ADGRL1: variants seen among roughly 807,000 people sequenced by gnomAD.
The protein encoded by ADGRL1 is adhesion G protein-coupled receptor L1.
Under a neutral mutation model 148.9 loss-of-function variants are expected in ADGRL1, and 31 were observed. The observed-to-expected ratio is 0.21, with a 90% CI of 0.16 to 0.28. The LOEUF is 0.28. Ranked by LOEUF, ADGRL1 falls within the 10% of genes least tolerant of loss-of-function variation. The pLI is 1.00. For missense variants in ADGRL1, 1,521 were observed against 2,058.8 expected, an observed-to-expected ratio of 0.74 and a Z score of 5.05; for synonymous variants, 937 against 900.3, an observed-to-expected ratio of 1.04 and a Z score of -0.73.
chr19:14,188,815 C>T (rs183194100), intron 1 of ADGRL1, among the ~76,000 whole-genome samples: 179 of 152,282 alleles, frequency 1.2e-3, no homozygotes, highest in Middle Eastern at 6.8e-3. Context: ...ACTTTGTCAC[C>T]GGGGCTGGAG....
chr19:14,177,012 C>T (rs1970868860), intron 3 of ADGRL1, among the ~76,000 whole-genome samples: 1 of 151,718 alleles, frequency 6.6e-6, no homozygotes, highest in African/African-American at 2.4e-5. Context: ...GGCAGATCAC[C>T]TGAGGTCAGG....
Position 14,157,034 on chromosome 19 carries a change from T to C in ADGRL1, c.2857A>G (p.Ser953Gly). 6.2e-7 allele frequency: 1 copy of C among 1,613,794 alleles called. No homozygotes were observed. Among genetic ancestry groups the C allele is most frequent in the Non-Finnish European group, 8.5e-7 (1 of 1,179,926 alleles). ...LYLLLVEVFESEYSRTKYYYL... is the reference protein window; with the variant it reads ...LYLLLVEVFEGEYSRTKYYYL... ...TAGTACTTGGTGCGGGAATACTCGC[T>C]CTCAAACACCTCCACTAGTAGCAGG... Residue 953 changes from serine to glycine, a missense_variant, in exon 15 of 23, where the codon AGC (serine) becomes GGC (glycine). Around this residue, in one of 8 missense-constraint regions of ADGRL1, gnomAD observed 185 missense variants for 251.7 expected, o/e 0.74. Coordinates refer to ENST00000361434, the MANE Select transcript of ADGRL1 (RefSeq NM_014921.5). The surrounding 1 kb of genome is among the most constrained non-coding windows in gnomAD (Gnocchi z 7.5).
chr19:14,174,014 C>T (rs935481637), intron 3 of ADGRL1, among the ~76,000 whole-genome samples: 5 of 150,062 alleles, frequency 3.3e-5, no homozygotes, highest in East Asian at 2.0e-4. Flanking sequence ...GGGGACTCAG[C>T]GGAGAGGAAG....
Position 14,159,455 on chromosome 19 carries a change from G to A in ADGRL1, c.1969C>T (p.Leu657=). 1 of 1,613,288 alleles carries A rather than the reference G, an allele frequency of 6.2e-7. No individual in the cohort carries two copies. Among genetic ancestry groups the A allele is most frequent in the Non-Finnish European group, 8.5e-7 (1 of 1,179,714 alleles). The part of the protein sequence containing the change: ...LDVLEEGAFL[L]ADNVREPARF... ...GCAGGCTCCCTGACATTGTCGGCCA[G>A]CAGGAAGGCGCCCTCCTCCAGGACG... The change falls in exon 10 of 23, where the codon CTG becomes TTG. Residue 657 remains leucine, a synonymous_variant. Transcript: ENST00000361434. This position sits in a 1 kb window ranked among gnomAD's most constrained non-coding sequence, Gnocchi z 6.0.
At chr19:14,182,119 G>A (rs926331244) in intron 2 of ADGRL1, among the ~76,000 whole-genome samples, 4 of 152,202 alleles carry the variant, frequency 2.6e-5, no homozygotes, top group African/African-American at 7.2e-5. Context: ...GTCACTGACC[G>A]CCTCTGTGCC....
In ADGRL1 at chr19:14,159,370, T is replaced by A. The variant is rs376875538; in HGVS notation, c.2023+31A>T. The A allele has an allele frequency of 4.4e-6, 7 of 1,586,268 alleles. No homozygotes were observed. In the South Asian group the frequency reaches 6.8e-5, roughly 15 times the overall value. On this transcript the variant is annotated intron_variant, in intron 10 of 22. Coordinates refer to ENST00000361434, the MANE Select transcript of ADGRL1 (RefSeq NM_014921.5). The surrounding 1 kb of genome is among the most constrained non-coding windows in gnomAD (Gnocchi z 6.0). ...AACCCCGTGGTTTAAGGTTCGTATC[T>A]GAGTTTGCCCTGGGTGACTGTGGCA...
In ADGRL1 at chr19:14,148,334, C is replaced by T. The variant is rs760142393; in HGVS notation, c.*2539G>A. 2.0e-5 allele frequency: 3 copies of T among 152,388 alleles called. No homozygotes were observed. Among genetic ancestry groups the T allele is most frequent in the Non-Finnish European group, 4.4e-5 (3 of 68,150 alleles). 9.4% of individuals were successfully genotyped at this position (152,388 alleles called of 1,614,324 possible). A position where few individuals can be genotyped will look rare whatever the true frequency, so the allele number is the denominator to read the frequency against. On this transcript the variant is annotated 3_prime_UTR_variant, in exon 23 of 23. Coordinates refer to ENST00000361434, the MANE Select transcript of ADGRL1 (RefSeq NM_014921.5). ...CGGCGATGCCGGCTGGAACAGGACCCGATACACCCTCTCTCCCTTTGATTG... is the reference window on the plus strand; with the variant it reads ...CGGCGATGCCGGCTGGAACAGGACCTGATACACCCTCTCTCCCTTTGATTG...
chr19:14,177,292 G>C (rs112585629), intron 3 of ADGRL1, among the ~76,000 whole-genome samples: 3,234 of 152,268 alleles, frequency 0.021, 46 homozygotes, highest in South Asian at 0.04. Context: ...AGAGGCTGGT[G>C]GGGGGAGGGA....
intron 2 of ADGRL1, among the ~76,000 whole-genome samples, chr19:14,182,665 G>A (rs1296577743): frequency 1.3e-5 from 2 of 152,224 alleles, no homozygotes; most frequent in Admixed American, 6.5e-5. Flanking sequence ...AGGGCCGGGG[G>A]TGGAAGGCTG....
Position 14,155,165 on chromosome 19 carries a change from C to T in ADGRL1, c.3294+194G>A, listed in dbSNP as rs559502190. The T allele has an allele frequency of 1.0e-4, 53 of 521,086 alleles. No homozygotes were observed. The highest frequency in any genetic ancestry group is 7.0e-4 in the South Asian group (29 of 41,626). 32.3% of individuals were successfully genotyped at this position (521,086 alleles called of 1,614,324 possible). On this transcript the variant is annotated intron_variant, in intron 18 of 22. Transcript: ENST00000361434. The surrounding 1 kb of genome is among the most constrained non-coding windows in gnomAD (Gnocchi z 5.0). ...CTTGTTTTCCAGAACCCTCTTCACC[C>T]GTGGTTAAACCCTCCCTAACCCTGA...
At chr19:14,189,743 T>C (rs553142828) in intron 1 of ADGRL1, among the ~76,000 whole-genome samples, 74 of 152,330 alleles carry the variant, frequency 4.9e-4, no homozygotes, top group African/African-American at 1.6e-3. Flanking sequence ...TGAGGCATCA[T>C]TGACAAATAG....
rs749881139 is a variant in ADGRL1, at chr19:14,161,434, G to A, written c.1388C>T (p.Pro463Leu). 2.0e-6 allele frequency: 3 copies of A among 1,483,194 alleles called. No individual in the cohort carries two copies. Among genetic ancestry groups the A allele is most frequent in the Non-Finnish European group, 2.7e-6 (3 of 1,118,104 alleles). The allele number at this position is 1,483,194 out of a possible 1,614,324, so 91.9% of individuals were successfully genotyped here. A position where few individuals can be genotyped will look rare whatever the true frequency, so the allele number is the denominator to read the frequency against. Residue 463 changes from proline (P) to leucine (L), a missense_variant, in exon 6 of 23, where the codon CCA becomes CTA. By Grantham distance (98) the Pro-to-Leu change is moderately conservative (BLOSUM62 -3). Transcript: ENST00000361434. This position sits in a 1 kb window ranked among gnomAD's most constrained non-coding sequence, Gnocchi z 4.4. ...TAPVPSTRRP[P>L]APNLHVSPEL... Reference sequence around the variant, plus strand: ...AGGGGACACGTGTAGATTCGGGGCTGGGGGCCGCCGGGTGCTGGGGACTGG... The same window carrying A: ...AGGGGACACGTGTAGATTCGGGGCTAGGGGCCGCCGGGTGCTGGGGACTGG...
In ADGRL1 at chr19:14,155,569, G is replaced by A; in HGVS notation, c.3126-42C>T. 1 of 1,606,094 alleles carries A rather than the reference G, an allele frequency of 6.2e-7. No individual in the cohort carries two copies. Among genetic ancestry groups the A allele is most frequent in the African/African-American group, 1.3e-5 (1 of 74,882 alleles). On this transcript the variant is annotated intron_variant, in intron 17 of 22. Coordinates refer to ENST00000361434, the MANE Select transcript of ADGRL1 (RefSeq NM_014921.5). The surrounding 1 kb of genome is among the most constrained non-coding windows in gnomAD (Gnocchi z 5.0). ...AGGGGAGTCAAAGTACCCGCCGGAG[G>A]GGACGGCCTCAGCCCAGGCCTCCCC...
chr19:14,162,764 T>A lies in ADGRL1; in HGVS notation c.1037A>T (p.Asn346Ile). 1 of 1,614,062 alleles carries A rather than the reference T, an allele frequency of 6.2e-7. No individual in the cohort carries two copies. ...GNRVDYAFNTNANREEPVSLT... is the reference protein window; with the variant it reads ...GNRVDYAFNTIANREEPVSLT... ...GCTGACAGGCTCCTCGCGGTTGGCA[T>A]TGGTGTTGAAGGCATAGTCCACGCG... Residue 346 changes from asparagine (N) to isoleucine (I), a missense_variant, in exon 5 of 23, where the codon AAT becomes ATT. Around this residue, in one of 8 missense-constraint regions of ADGRL1, gnomAD observed 270 missense variants for 320.4 expected, o/e 0.84. Transcript: ENST00000361434. This position sits in a 1 kb window ranked among gnomAD's most constrained non-coding sequence, Gnocchi z 5.4.
At chr19:14,175,910 T>C (rs1970792065) in intron 3 of ADGRL1, among the ~76,000 whole-genome samples, 1 of 152,008 alleles carries the variant, frequency 6.6e-6, no homozygotes, top group Admixed American at 6.6e-5. Flanking sequence ...AAAAATAAGC[T>C]GGGCATGATG....
rs955017089 is a variant in ADGRL1 at position 14,152,666 on chromosome 19, G to A, written c.3424-53C>T. ...ATCCTTGGGCCACCCACCCTCTGGCGTCTTTCTGAGACTGCTCACCTGATC... is the reference window on the plus strand; with the variant it reads ...ATCCTTGGGCCACCCACCCTCTGGCATCTTTCTGAGACTGCTCACCTGATC... On this transcript the variant is annotated intron_variant, in intron 19 of 22. Transcript: ENST00000361434. The surrounding 1 kb of genome is among the most constrained non-coding windows in gnomAD (Gnocchi z 6.1). 3.4e-5 allele frequency: 55 copies of A among 1,601,680 alleles called. No homozygotes were observed. Among genetic ancestry groups the A allele is most frequent in the East Asian group, 2.9e-4 (13 of 44,754 alleles).
chr19:14,152,255 T>C lies in ADGRL1; in HGVS notation c.3649+54A>G, dbSNP rs1204156561. ...ACAGAACATCCCATGCAGAGGTCCC[T>C]TGGGACACAAACCCTCCATTTCCCA... On this transcript the variant is annotated intron_variant, in intron 21 of 22. Transcript: ENST00000361434. This position sits in a 1 kb window ranked among gnomAD's most constrained non-coding sequence, Gnocchi z 6.1. The C allele has an allele frequency of 1.2e-6, 2 of 1,612,704 alleles. No individual in the cohort carries two copies. The highest frequency in any genetic ancestry group is 8.5e-7 in the Non-Finnish European group (1 of 1,179,000).
chr19:14,165,369 G>A (rs1454957740), intron 4 of ADGRL1, among the ~76,000 whole-genome samples: 1 of 152,192 alleles, frequency 6.6e-6, no homozygotes, highest in Non-Finnish European at 1.5e-5. Context: ...CCAGGTGTGT[G>A]GCATCTGAGG....
intron 4 of ADGRL1, among the ~76,000 whole-genome samples, chr19:14,167,335 G>C (rs745825836): frequency 6.6e-6 from 1 of 151,952 alleles, no homozygotes; most frequent in African/African-American, 2.4e-5. Flanking sequence ...GTGGTAGGGG[G>C]GTACAGGCAG....
Sources: gnomAD v4.1 joint callset for allele counts (sites outside exome capture counted in the v4.1 genomes callset) on GRCh38, gnomAD v4.1.1 for gene constraint, gnomAD v4.1.1 regional missense constraint, Gnocchi (gnomAD v3.1) non-coding constraint, MANE v1.5 for transcripts, NCBI Gene and HGNC (gene_info 2026-07-23, HGNC 2026-07-21) for gene names.